The following PTN variants were observed in gnomAD, a reference collection of about 807,000 sequenced individuals.
The protein encoded by PTN is heparin affin regulatory protein.
PTN carries 18 observed loss-of-function variants against 24.1 expected under a neutral mutation model. The observed-to-expected ratio is 0.75, with a 90% confidence interval of 0.52 to 1.11. The LOEUF (loss-of-function observed/expected upper bound fraction) is 1.11, where lower values mean the gene tolerates loss of function less well. PTN is among the 50% of genes least tolerant of loss of function. The pLI is 0.00. For synonymous variants in PTN, 78 were observed against 68.6 expected (o/e 1.14, Z -0.67); for missense variants, 163 against 198.8 (o/e 0.82, Z 1.08).
chr7:137,328,982 G>T (rs1456594492), intron 1 of PTN, among the ~76,000 whole-genome samples: 1 of 152,188 alleles, frequency 6.6e-6, no homozygotes, highest in Non-Finnish European at 1.5e-5. Context: ...TTGAATAGGG[G>T]AATGGAGGTA....
At chr7:137,241,826 G>A (rs1361511388) in intron 4 of PTN, among the ~76,000 whole-genome samples, 1 of 152,132 alleles carries the variant, frequency 6.6e-6, no homozygotes, top group Non-Finnish European at 1.5e-5. Flanking sequence ...ATTCCCACAG[G>A]GTACCCCATG....
At chr7:137,237,114 T>C (rs1808536526) in intron 4 of PTN, among the ~76,000 whole-genome samples, 1 of 152,302 alleles carries the variant, frequency 6.6e-6, no homozygotes, top group African/African-American at 2.4e-5. Flanking sequence ...AACCCTTGTA[T>C]CTCAGAGTGA....
intron 2 of PTN, 90 bp downstream of exon 2, chr7:137,254,769 C>A: frequency 1.3e-6 from 1 of 771,516 alleles, no homozygotes; most frequent in Admixed American, 3.0e-5. Context: ...GGGAGAGAGG[C>A]AGAGTAGAAG....
At chr7:137,319,290 T>C (rs143647934) in intron 1 of PTN, among the ~76,000 whole-genome samples, 1 of 152,330 alleles carries the variant, frequency 6.6e-6, no homozygotes, top group East Asian at 1.9e-4. Context: ...AATTGAGTCA[T>C]AAAGATAGAG....
chr7:137,294,964 G>C (rs1250996053), intron 1 of PTN, among the ~76,000 whole-genome samples: 1 of 152,008 alleles, frequency 6.6e-6, no homozygotes. Flanking sequence ...AAAATAACTT[G>C]CCCTGGGTCA....
chr7:137,333,553 G>A (rs1810395822), intron 1 of PTN, among the ~76,000 whole-genome samples: 1 of 152,128 alleles, frequency 6.6e-6, no homozygotes, highest in Admixed American at 6.6e-5. Context: ...GTTCCATTAT[G>A]GTATGGAAGG....
chr7:137,298,324 C>T (rs1809751770), intron 1 of PTN, among the ~76,000 whole-genome samples: 1 of 151,760 alleles, frequency 6.6e-6, no homozygotes, highest in Non-Finnish European at 1.5e-5. Context: ...CTGAAACTGT[C>T]CAAAAGTTTA....
intron 1 of PTN, among the ~76,000 whole-genome samples, chr7:137,335,141 T>C (rs2128883369): frequency 6.6e-6 from 1 of 151,044 alleles, no homozygotes; most frequent in East Asian, 2.0e-4. Context: ...CATGTATACA[T>C]ATGCAACTAA....
At chr7:137,313,789 C>T (rs1456875702) in intron 1 of PTN, among the ~76,000 whole-genome samples, 1 of 152,176 alleles carries the variant, frequency 6.6e-6, no homozygotes, top group Non-Finnish European at 1.5e-5. Context: ...TAATGTACTA[C>T]AGATATCCTA....
chr7:137,228,669 A>T (rs376570265), intron 4 of PTN, among the ~76,000 whole-genome samples: 3 of 151,926 alleles, frequency 2.0e-5, no homozygotes, highest in African/African-American at 7.2e-5. Context: ...GCCTACAGGA[A>T]CTCCTAGTTT....
At chr7:137,327,011 G>T (rs868655040) in intron 1 of PTN, 2 of 152,204 alleles carry the variant, frequency 1.3e-5, no homozygotes, top group South Asian at 4.2e-4. Context: ...ACAGAGAAAG[G>T]GGTAAGTAAT....
At chr7:137,257,851 G>T (rs1052067903) in intron 1 of PTN, among the ~76,000 whole-genome samples, 3 of 152,164 alleles carry the variant, frequency 2.0e-5, no homozygotes, top group Non-Finnish European at 4.4e-5. Flanking sequence ...GCCATGGGAT[G>T]CTCATCCATA....
At chr7:137,318,543 T>C (rs2128880811) in intron 1 of PTN, 1 of 152,372 alleles carries the variant, frequency 6.6e-6, no homozygotes, top group East Asian at 1.9e-4. Context: ...GGCTCTAAGT[T>C]TCATTTAACT....
In PTN at chr7:137,296,846, A is replaced by AC. The variant is rs1296030089; in HGVS notation, c.-1-41873dup. The stretch of plus-strand genomic sequence containing the variant: ...CCTAACATTCCTGGCTCTCCACCAA[A>AC]CCCCCCAAATCGAAGCAGATTGGAT... On this transcript the variant is annotated intron_variant, in intron 1 of 4. Coordinates refer to ENST00000348225, the MANE Select transcript of PTN (RefSeq NM_002825.7). Among the ~76,000 whole-genome samples the AC allele has an allele frequency of 4.6e-5, 7 of 151,746 alleles. 1 individual carries two copies. Among genetic ancestry groups the AC allele is most frequent in the Admixed American group, 3.9e-4 (6 of 15,222 alleles).
intron 4 of PTN, among the ~76,000 whole-genome samples, chr7:137,239,514 A>G (rs1210421852): frequency 6.6e-6 from 1 of 151,892 alleles, no homozygotes; most frequent in African/African-American, 2.4e-5. Context: ...CTCGTCATCT[A>G]GCATTAGGTA....
intron 1 of PTN, among the ~76,000 whole-genome samples, chr7:137,279,683 A>T (rs2128875778): frequency 6.6e-6 from 1 of 152,346 alleles, no homozygotes; most frequent in Non-Finnish European, 1.5e-5. Flanking sequence ...CTTGCTTGTC[A>T]TATACAAGGG....
At chr7:137,255,478 A>C (rs1389810893) in intron 1 of PTN, among the ~76,000 whole-genome samples, 6 of 152,220 alleles carry the variant, frequency 3.9e-5, no homozygotes, top group Non-Finnish European at 8.8e-5. Context: ...CATACACAAC[A>C]ACCAACATCT....
At chr7:137,318,562 C>A (rs1810110822) in intron 1 of PTN, 1 of 152,076 alleles carries the variant, frequency 6.6e-6, no homozygotes, top group Admixed American at 6.6e-5. Flanking sequence ...CTTTCTATTT[C>A]CAGGACTTTG....
At chr7:137,291,137 T>C (rs1268224863) in intron 1 of PTN, among the ~76,000 whole-genome samples, 1 of 152,204 alleles carries the variant, frequency 6.6e-6, no homozygotes, top group Admixed American at 6.5e-5. Context: ...GTTTATTCTG[T>C]CTGTATACTA....
Sources: allele counts gnomAD v4.1 joint callset (sites outside exome capture counted in the v4.1 genomes callset), GRCh38; gene constraint gnomAD v4.1.1; transcripts MANE v1.5; gene names NCBI Gene and HGNC (gene_info 2026-07-23, HGNC 2026-07-21).